GCSAML: variants seen among roughly 807,000 people sequenced by gnomAD.
GCSAML encodes the protein germinal center-associated signaling and motility-like protein.
GCSAML carries 9 observed loss-of-function variants against 13.0 expected under a neutral mutation model. The ratio of observed to expected loss-of-function variants is 0.69; its 90% CI spans 0.42 to 1.21. The LOEUF (loss-of-function observed/expected upper bound fraction) is 1.21, where lower values mean the gene tolerates loss of function less well. Ranked by LOEUF, GCSAML falls within the 50% of genes most tolerant of loss-of-function variation. GCSAML has a pLI of 0.00. For synonymous variants in GCSAML, 37 were observed against 52.9 expected (o/e 0.70, Z 1.31); for missense variants, 143 against 153.4 (o/e 0.93, Z 0.36).
upstream of GCSAML, among the ~76,000 whole-genome samples, chr1:247,546,339 A>G (rs1049176360): frequency 2.6e-5 from 4 of 151,982 alleles, no homozygotes; most frequent in Admixed American, 2.6e-4. Flanking sequence ...CACCTGGCTG[A>G]GAAAATGGTC....
At chr1:247,551,772 C>G (rs561950673) in intron 1 of GCSAML, among the ~76,000 whole-genome samples, 7 of 152,160 alleles carry the variant, frequency 4.6e-5, no homozygotes, top group African/African-American at 1.7e-4. Context: ...TGCTTAGGTT[C>G]AACAAATTTT....
At chr1:247,517,424 A>G (rs1337811944) in intron 1 of GCSAML, among the ~76,000 whole-genome samples, 3 of 152,218 alleles carry the variant, frequency 2.0e-5, no homozygotes, top group Non-Finnish European at 2.9e-5. Context: ...AAAAAAATGT[A>G]AAATGTGGAA....
chr1:247,550,507 G>T (rs561592421), intron 1 of GCSAML, among the ~76,000 whole-genome samples: 18 of 152,144 alleles, frequency 1.2e-4, no homozygotes, highest in East Asian at 1.2e-3. Flanking sequence ...CGTGGTGGTG[G>T]GCACCTGTAA....
chr1:247,511,731 G>C (rs964358980), intron 1 of GCSAML, among the ~76,000 whole-genome samples: 1 of 152,180 alleles, frequency 6.6e-6, no homozygotes, highest in African/African-American at 2.4e-5. Context: ...GCATTTGCTT[G>C]TCTGCAAAGG....
intron 1 of GCSAML, among the ~76,000 whole-genome samples, chr1:247,511,323 A>T (rs1666027427): frequency 6.6e-6 from 1 of 152,066 alleles, no homozygotes; most frequent in African/African-American, 2.4e-5. Flanking sequence ...TTTATCAGAG[A>T]TCAGGATTGC....
intron 2 of GCSAML, among the ~76,000 whole-genome samples, chr1:247,558,718 A>G (rs1340729684): frequency 6.6e-6 from 1 of 152,194 alleles, no homozygotes; most frequent in Non-Finnish European, 1.5e-5. Context: ...TTGTTTAGGA[A>G]TGGAAGCATA....
At chr1:247,519,618 G>C (rs1881794) in intron 1 of GCSAML, among the ~76,000 whole-genome samples, 111,446 of 152,170 alleles carry the variant, frequency 0.73, 42,588 homozygotes, top group East Asian at 0.97. Context: ...GCAAACATTC[G>C]TTATTCTAGG....
chr1:247,520,942 CTCTG>C (rs1666394537), intron 1 of GCSAML, among the ~76,000 whole-genome samples: 1 of 152,200 alleles, frequency 6.6e-6, no homozygotes, highest in Non-Finnish European at 1.5e-5. Flanking sequence ...TTTTTCACTG[CTCTG>C]TCTTATAGTT....
rs371610127 is a variant in GCSAML, at chr1:247,511,832, G to GC, written c.-263+4604dup. ...ATTTCTTTAAGAATGTTGAATATTG[G>GC]CCCCCACTCTCTTCTGACTTGTAGG... On this transcript the variant is annotated intron_variant, in intron 1 of 5. Coordinates refer to the GCSAML transcript ENST00000366489. Among the ~76,000 whole-genome samples the GC allele has an allele frequency of 6.6e-4, 100 of 152,202 alleles. 1 individual carries two copies. In the East Asian group the frequency reaches 0.018, roughly 27 times the overall value.
Position 247,556,474 on chromosome 1 carries a change from CAG to C in GCSAML, c.89+11_89+12del. 1 of 1,589,140 alleles carries C rather than the reference CAG, an allele frequency of 6.3e-7. No homozygotes were observed. Among genetic ancestry groups the C allele is most frequent in the Middle Eastern group, 1.7e-4 (1 of 5,992 alleles). ...AGATGAGGAAAGAAAACGGTAAGAA[CAG>C]AGCATCTCAGAGTTTTTTTGTTTTG... On this transcript the variant is annotated intron_variant, in intron 2 of 4. Transcript: ENST00000366488.
Position 247,576,543 on chromosome 1 carries a change from T to G in GCSAML, c.*2161T>G, listed in dbSNP as rs773587774. On this transcript the variant is annotated 3_prime_UTR_variant, in exon 5 of 5. Coordinates refer to ENST00000366488, the MANE Select transcript of GCSAML (RefSeq NM_145278.5). ...TTGGGCAACAGAGTGAGACCCTGTC[T>G]CAAAAAAAAAAAAAGTTTCAGATTT... 1 of 150,304 alleles carries G rather than the reference T, an allele frequency of 6.7e-6. No individual in the cohort carries two copies. The highest frequency in any genetic ancestry group is 1.5e-5 in the Non-Finnish European group (1 of 68,124). 9.3% of individuals were successfully genotyped at this position (150,304 alleles called of 1,614,324 possible).
chr1:247,538,653 T>C (rs941016600), intron 2 of GCSAML: 1 of 436,136 alleles, frequency 2.3e-6, no homozygotes, highest in Non-Finnish European at 4.6e-6. Context: ...TACCCCAGTC[T>C]CTTTCTTTCC....
chr1:247,524,918 A>C (rs2103321488), intron 1 of GCSAML: 1 of 152,356 alleles, frequency 6.6e-6, no homozygotes, highest in South Asian at 2.1e-4. Flanking sequence ...AAATAGCCCC[A>C]AAACATACCA....
intron 2 of GCSAML, chr1:247,530,259 G>T (rs1023770545): frequency 3.3e-5 from 5 of 152,234 alleles, no homozygotes; most frequent in East Asian, 1.9e-4. Context: ...AGAGAATGAG[G>T]TTACTCTATT....
rs893543007 is a variant in GCSAML at position 247,576,753 on chromosome 1, A to C, written c.*2371A>C. 1 of 152,134 alleles carries C rather than the reference A, an allele frequency of 6.6e-6. No homozygotes were observed. The highest frequency in any genetic ancestry group is 2.4e-5 in the African/African-American group (1 of 41,418). 9.4% of individuals were successfully genotyped at this position (152,134 alleles called of 1,614,324 possible). A position where few individuals can be genotyped will look rare whatever the true frequency, so the allele number is the denominator to read the frequency against. On this transcript the variant is annotated 3_prime_UTR_variant, in exon 5 of 5. Coordinates refer to ENST00000366488, the MANE Select transcript of GCSAML (RefSeq NM_145278.5). Reference sequence around the variant, plus strand: ...TAATGTGCGGAAGGGAAACAATAGAAATTTTGCAATTCTAGAAAAGTCATT... The same window carrying C: ...TAATGTGCGGAAGGGAAACAATAGACATTTTGCAATTCTAGAAAAGTCATT...
chr1:247,548,202 G>A (rs1328108720), upstream of GCSAML, among the ~76,000 whole-genome samples: 2 of 152,234 alleles, frequency 1.3e-5, no homozygotes, highest in Non-Finnish European at 2.9e-5. This position sits in a 1 kb window ranked among gnomAD's most constrained non-coding sequence, Gnocchi z 5.3. Flanking sequence ...TCCTTCGGCA[G>A]GAGACATCAT....
rs367656208 is a variant in GCSAML, at chr1:247,556,395, G to A, written c.30-12G>A. The A allele has an allele frequency of 4.4e-6, 7 of 1,596,808 alleles. No homozygotes were observed. In the African/African-American group the frequency reaches 6.7e-5, roughly 15 times the overall value. ...TAACAATCTCTCTTTTTTCTTATGT[G>A]TTTCCATATAGTTGCCTGGGAGAGA... On this transcript the variant is annotated splice_polypyrimidine_tract_variant and intron_variant, in intron 1 of 4. Coordinates refer to ENST00000366488, the MANE Select transcript of GCSAML (RefSeq NM_145278.5).
chr1:247,515,485 T>G (rs1666179738), intron 1 of GCSAML, among the ~76,000 whole-genome samples: 1 of 152,232 alleles, frequency 6.6e-6, no homozygotes, highest in Non-Finnish European at 1.5e-5. Flanking sequence ...TCCAACAGCT[T>G]CCTGTGTTAA....
At chr1:247,544,388 T>C (rs1667501436), upstream of GCSAML, among the ~76,000 whole-genome samples, 1 of 152,242 alleles carries the variant, frequency 6.6e-6, no homozygotes, top group South Asian at 2.1e-4. Flanking sequence ...TAACAGCTTC[T>C]GCCCGGCAGC....
Sources: allele counts gnomAD v4.1 joint callset (sites outside exome capture counted in the v4.1 genomes callset), GRCh38; gene constraint gnomAD v4.1.1; non-coding constraint Gnocchi (gnomAD v3.1); transcripts MANE v1.5; gene names NCBI Gene and HGNC (gene_info 2026-07-23, HGNC 2026-07-21).